FABP6: variants seen among roughly 807,000 people sequenced by gnomAD.
FABP6 encodes the protein gastrotropin.
In FABP6, 13 loss-of-function variants were observed where a neutral mutation model predicts 14.9. The observed-to-expected ratio is 0.87, with a 90% CI of 0.57 to 1.39. The LOEUF is 1.39. Ranked by LOEUF, FABP6 falls within the 40% of genes most tolerant of loss-of-function variation. The pLI, the probability that FABP6 is intolerant of heterozygous loss-of-function variation, is 0.00. For missense variants in FABP6, 161 were observed against 167.2 expected (o/e 0.96, Z 0.20); for synonymous variants, 75 against 63.6 (o/e 1.18, Z -0.85).
intron 3 of FABP6, among the ~76,000 whole-genome samples, chr5:160,221,433 A>T (rs1760126142): frequency 6.6e-6 from 1 of 152,198 alleles, no homozygotes; most frequent in South Asian, 2.1e-4. Flanking sequence ...CAAGGCAGGA[A>T]GGAGGGGTTT....
chr5:160,203,314 T>C (rs1385797227), intron 2 of FABP6, among the ~76,000 whole-genome samples: 3 of 152,210 alleles, frequency 2.0e-5, no homozygotes, highest in African/African-American at 7.2e-5. Context: ...AGAGGGGACC[T>C]CCTTATCATG....
rs140536283 is a variant in FABP6, at chr5:160,201,925, G to A, written c.51+2768G>A. ...CTGCAGGTGCACACCACCACACCCA[G>A]CTAATTTTTGTATTTTTTTGTAGAG... On this transcript the variant is annotated intron_variant, in intron 2 of 6. Transcript: ENST00000393980. Among the ~76,000 whole-genome samples, 1,366 of 152,248 alleles carry A rather than the reference G, an allele frequency of 9.0e-3. 29 individuals are homozygous for A. Among genetic ancestry groups the A allele is most frequent in the African/African-American group, 0.031 (1,278 of 41,536 alleles).
At chr5:160,187,551 T>A (rs1432256323) in intron 1 of FABP6, 1 of 106,482 alleles carries the variant, frequency 9.4e-6, no homozygotes, top group Non-Finnish European at 2.0e-5. Flanking sequence ...CATGGAAGGG[T>A]GGGGAAACTG....
chr5:160,188,795 C>G (rs905811342), intron 1 of FABP6, among the ~76,000 whole-genome samples: 9 of 152,206 alleles, frequency 5.9e-5, no homozygotes, highest in Non-Finnish European at 1.2e-4. Context: ...TGCAAGGCCC[C>G]TCCCGGTTGG....
chr5:160,231,253 G>A (rs1760374947), intron 1 of FABP6, among the ~76,000 whole-genome samples: 1 of 152,228 alleles, frequency 6.6e-6, no homozygotes, highest in African/African-American at 2.4e-5. Context: ...ACAGCCTCGT[G>A]TTGTGGGATG....
chr5:160,205,232 G>T (rs1580904469), intron 2 of FABP6, among the ~76,000 whole-genome samples: 1 of 145,940 alleles, frequency 6.9e-6, no homozygotes. Flanking sequence ...GCCAGGATTT[G>T]CTCTCTCAGC....
At chr5:160,229,660 G>C (rs1317225213) in intron 1 of FABP6, 36 bp downstream of exon 1, 1 of 1,605,676 alleles carries the variant, frequency 6.2e-7, no homozygotes, top group East Asian at 2.2e-5. Flanking sequence ...CCTCGGGGTT[G>C]GTTTGTCACA....
At chr5:160,217,864 A>G (rs1437560925) in intron 3 of FABP6, among the ~76,000 whole-genome samples, 2 of 151,880 alleles carry the variant, frequency 1.3e-5, no homozygotes. Context: ...GCTCATCTCA[A>G]ACTCCTGGGC....
At chr5:160,199,428 TGGC>T (rs1561741804) in intron 2 of FABP6, among the ~76,000 whole-genome samples, 1 of 152,120 alleles carries the variant, frequency 6.6e-6, no homozygotes, top group Non-Finnish European at 1.5e-5. Flanking sequence ...CTAGAGACGA[TGGC>T]GGTGGGGACC....
chr5:160,189,565 A>AT (rs992070535), intron 1 of FABP6, among the ~76,000 whole-genome samples: 1 of 151,616 alleles, frequency 6.6e-6, no homozygotes, highest in Non-Finnish European at 1.5e-5. Flanking sequence ...TCTTCTTTTT[A>AT]TTTTTTTCAG....
chr5:160,196,443 G>A (rs1290045795), intron 1 of FABP6: 2 of 152,236 alleles, frequency 1.3e-5, no homozygotes, highest in African/African-American at 4.8e-5. Context: ...GCTTTCCTGG[G>A]GGACTAGTGT....
intron 3 of FABP6, among the ~76,000 whole-genome samples, chr5:160,221,597 T>C (rs1416170539): frequency 6.6e-6 from 1 of 152,200 alleles, no homozygotes; most frequent in Non-Finnish European, 1.5e-5. Context: ...CCCCAAGGTT[T>C]TCAGGGAGAT....
intron 3 of FABP6, among the ~76,000 whole-genome samples, chr5:160,217,585 CA>C (rs1438568759): frequency 6.6e-6 from 1 of 152,054 alleles, no homozygotes; most frequent in African/African-American, 2.4e-5. Flanking sequence ...AAGTACTTTA[CA>C]AAAATGAACT....
At chr5:160,238,113 T>TC (rs1051824856) in intron 3 of FABP6, among the ~76,000 whole-genome samples, 1 of 151,886 alleles carries the variant, frequency 6.6e-6, no homozygotes, top group Non-Finnish European at 1.5e-5. Context: ...AAGAACAGCA[T>TC]CCCCCCCGCC....
chr5:160,233,804 G>A (rs567297583), intron 2 of FABP6, among the ~76,000 whole-genome samples: 8 of 151,274 alleles, frequency 5.3e-5, no homozygotes, highest in South Asian at 2.1e-4. Context: ...CCCTGGAGGC[G>A]GAGGTTACAG....
intron 2 of FABP6, among the ~76,000 whole-genome samples, chr5:160,210,859 T>C (rs1012625469): frequency 3.3e-5 from 5 of 152,212 alleles, no homozygotes; most frequent in Non-Finnish European, 4.4e-5. Flanking sequence ...AATGAGTTCA[T>C]TAGAAATTCA....
chr5:160,238,569 G>T, intron 3 of FABP6, 37 bp from the exon 4 acceptor site: 1 of 1,600,784 alleles, frequency 6.2e-7, no homozygotes, highest in Non-Finnish European at 8.6e-7. Context: ...CCTTGGGGTG[G>T]GGCACTGACT....
At chr5:160,235,119 A>G (rs4244409) in intron 3 of FABP6, among the ~76,000 whole-genome samples, 152,205 of 152,306 alleles carry the variant, frequency 1, 76,052 homozygotes, top group Middle Eastern at 1. Flanking sequence ...AGGAGACTGA[A>G]GCACAGGGAT....
chr5:160,222,837 A>T (rs1305781922), intron 3 of FABP6, among the ~76,000 whole-genome samples: 2 of 152,296 alleles, frequency 1.3e-5, no homozygotes, highest in Non-Finnish European at 2.9e-5. Context: ...ATTTGACAAA[A>T]CATTGTATGA....
Sources: gnomAD v4.1 joint callset for allele counts (sites outside exome capture counted in the v4.1 genomes callset) on GRCh38, gnomAD v4.1.1 for gene constraint, MANE v1.5 for transcripts, NCBI Gene and HGNC (gene_info 2026-07-23, HGNC 2026-07-21) for gene names.